FILIP1: variants seen among roughly 807,000 people sequenced by gnomAD.
The protein encoded by FILIP1 is filamin-A-interacting protein 1.
Under a neutral mutation model 102.1 loss-of-function variants are expected in FILIP1, and 61 were observed. The observed-to-expected ratio is 0.60, with a 90% confidence interval of 0.49 to 0.74. The LOEUF is 0.74. FILIP1 is among the 30% of genes least tolerant of loss of function. The probability of loss-of-function intolerance (pLI) is 0.00; values close to 1 mark genes in which losing one functional copy is unlikely to be tolerated. For missense variants in FILIP1, 1,314 were observed against 1,441.2 expected, an observed-to-expected ratio of 0.91 and a Z score of 1.43; for synonymous variants, 491 against 526.9, an observed-to-expected ratio of 0.93 and a Z score of 0.93.
chr6:75,485,859 A>G (rs1226317443), intron 1 of FILIP1, among the ~76,000 whole-genome samples: 2 of 152,042 alleles, frequency 1.3e-5, no homozygotes, highest in African/African-American at 4.8e-5. Context: ...TTGAAGGAAC[A>G]TCATGCTGCC....
chr6:75,467,619 T>C (rs1165743883), intron 1 of FILIP1, among the ~76,000 whole-genome samples: 2 of 152,184 alleles, frequency 1.3e-5, no homozygotes, highest in East Asian at 3.8e-4. Flanking sequence ...TTCAAGGTGG[T>C]AGAACGGAAA....
intron 4 of FILIP1, among the ~76,000 whole-genome samples, chr6:75,349,027 CTAGAG>C (rs1774692810): frequency 6.6e-6 from 1 of 152,198 alleles, no homozygotes; most frequent in Admixed American, 6.5e-5. Flanking sequence ...TCCAAAAGTG[CTAGAG>C]TAGTGGCCTG....
chr6:75,451,944 G>T (rs1200868151), intron 1 of FILIP1, among the ~76,000 whole-genome samples: 1 of 152,158 alleles, frequency 6.6e-6, no homozygotes, highest in Non-Finnish European at 1.5e-5. Context: ...GAGGTAGCCT[G>T]TAAAAAAATT....
At chr6:75,457,643 T>TCTCG (rs1554215200) in intron 1 of FILIP1, among the ~76,000 whole-genome samples, 10 of 151,022 alleles carry the variant, frequency 6.6e-5, no homozygotes, top group Non-Finnish European at 1.5e-4. Context: ...TCTCTCTCTC[T>TCTCG]CTCTCGTTTC....
chr6:75,313,657 T>C lies in FILIP1; in HGVS notation c.2175A>G (p.Gln725=), dbSNP rs1773300241. The C allele has an allele frequency of 1.3e-6, 2 of 1,580,018 alleles. No individual in the cohort carries two copies. Among genetic ancestry groups the C allele is most frequent in the Non-Finnish European group, 1.7e-6 (2 of 1,167,746 alleles). Residue 725 remains glutamine (Q), a synonymous_variant, in exon 5 of 6, where the codon CAA becomes CAG. Coordinates refer to ENST00000237172, the MANE Select transcript of FILIP1 (RefSeq NM_015687.5). This position sits in a 1 kb window ranked among gnomAD's most constrained non-coding sequence, Gnocchi z 4.2. ...ATTCGTGAATCTTCTCTTTAAGAGC[T>C]TGTACTTCGGCTTTTAAGTCTCGAC... is the stretch of plus-strand genomic sequence containing the variant. The part of the protein sequence containing the change: ...AKSRDLKAEV[Q]ALKEKIHELM...
At chr6:75,319,074 T>C (rs1773547437) in intron 4 of FILIP1, 3 of 739,456 alleles carry the variant, frequency 4.1e-6, no homozygotes, top group Admixed American at 1.9e-5. Context: ...CTTCACCTTC[T>C]TCCTCCTCTT....
chr6:75,334,597 G>A (rs1202113207), intron 4 of FILIP1: 4 of 152,202 alleles, frequency 2.6e-5, no homozygotes, highest in Non-Finnish European at 5.9e-5. Flanking sequence ...GCATGGACAA[G>A]AGTAACTAAC....
rs575487703 is a variant in FILIP1, at chr6:75,411,199, G to C, written c.276+3498C>G. 7.4e-4 allele frequency among the ~76,000 whole-genome samples: 113 copies of C among 152,272 alleles called. 1 individual carries two copies. Among genetic ancestry groups the C allele is most frequent in the African/African-American group, 1.4e-3 (58 of 41,568 alleles). On this transcript the variant is annotated intron_variant, in intron 2 of 5. Transcript: ENST00000237172. The stretch of plus-strand genomic sequence containing the variant: ...ATGATGAGCTATTTATCATATGTTT[G>C]TTGGCCACATAAATATCTTCTTTTG...
At chr6:75,465,245 T>A (rs548166860) in intron 1 of FILIP1, 1 of 251,932 alleles carries the variant, frequency 4.0e-6, no homozygotes, top group African/African-American at 2.3e-5. Flanking sequence ...GTCTAGAAGA[T>A]GATGAAGACA....
intron 2 of FILIP1, among the ~76,000 whole-genome samples, chr6:75,384,252 T>C (rs1309483088): frequency 2.6e-5 from 4 of 152,234 alleles, no homozygotes; most frequent in Admixed American, 2.0e-4. Context: ...GTTAACTTTG[T>C]TTGAAATAAC....
intron 2 of FILIP1, among the ~76,000 whole-genome samples, chr6:75,376,859 GA>G (rs1315020877): frequency 6.6e-6 from 1 of 152,120 alleles, no homozygotes; most frequent in Non-Finnish European, 1.5e-5. Flanking sequence ...TTGTTGATGG[GA>G]TTTAAAGAGG....
intron 3 of FILIP1, among the ~76,000 whole-genome samples, chr6:75,362,493 A>T (rs1775200532): frequency 6.6e-6 from 1 of 152,256 alleles, no homozygotes; most frequent in African/African-American, 2.4e-5. Context: ...CTGCAAGAGC[A>T]TGTAACTATC....
intron 2 of FILIP1, chr6:75,363,164 A>T: frequency 2.3e-5 from 8 of 343,794 alleles, no homozygotes; most frequent in Admixed American, 8.3e-5. Context: ...CTACATAAAA[A>T]TTGCTTTATC....
chr6:75,481,793 T>C (rs1486770077), intron 1 of FILIP1, among the ~76,000 whole-genome samples: 1 of 152,186 alleles, frequency 6.6e-6, no homozygotes, highest in East Asian at 1.9e-4. Context: ...CCTCACTCTA[T>C]AATCATGTGC....
intron 4 of FILIP1, among the ~76,000 whole-genome samples, chr6:75,347,708 G>T (rs1185609638): frequency 1.3e-5 from 2 of 151,982 alleles, no homozygotes; most frequent in African/African-American, 4.8e-5. Context: ...CGTTGATTCT[G>T]ACTAGTCATT....
chr6:75,465,544 C>A (rs1562639418), intron 1 of FILIP1: 3 of 626,494 alleles, frequency 4.8e-6, no homozygotes, highest in Non-Finnish European at 8.4e-6. Context: ...ACTCCTTCAG[C>A]TGCCTGAAGG....
chr6:75,456,160 A>G (rs758520136), intron 1 of FILIP1, among the ~76,000 whole-genome samples: 1 of 152,226 alleles, frequency 6.6e-6, no homozygotes, highest in Non-Finnish European at 1.5e-5. Flanking sequence ...GGAACATTTG[A>G]CAATGTCTGG....
chr6:75,378,668 C>A (rs112957999), intron 2 of FILIP1, among the ~76,000 whole-genome samples: 2 of 152,232 alleles, frequency 1.3e-5, no homozygotes, highest in Non-Finnish European at 2.9e-5. Flanking sequence ...AACTAATGCA[C>A]GTGAAGAGAA....
At chr6:75,416,471 A>G (rs750192716) in intron 1 of FILIP1, among the ~76,000 whole-genome samples, 36 of 152,006 alleles carry the variant, frequency 2.4e-4, no homozygotes, top group Non-Finnish European at 4.6e-4. Context: ...GGGTTTCCCT[A>G]GTCAACAAAG....
Sources: gnomAD v4.1 joint callset for allele counts (sites outside exome capture counted in the v4.1 genomes callset) on GRCh38, gnomAD v4.1.1 for gene constraint, Gnocchi (gnomAD v3.1) non-coding constraint, MANE v1.5 for transcripts, NCBI Gene and HGNC (gene_info 2026-07-23, HGNC 2026-07-21) for gene names.